Variants in ZFAND4 observed in about 807,000 individuals in gnomAD.
ZFAND4 encodes zinc finger AN1-type containing 4.
Under a neutral mutation model 64.4 loss-of-function variants are expected in ZFAND4, and 43 were observed. The observed-to-expected ratio is 0.67, with a 90% CI of 0.52 to 0.86. The LOEUF (loss-of-function observed/expected upper bound fraction) is 0.86. ZFAND4 is among the 40% of genes least tolerant of loss of function. The probability of loss-of-function intolerance (pLI) is 0.00; values close to 1 mark genes in which losing one functional copy is unlikely to be tolerated. For synonymous variants in ZFAND4, 296 were observed against 305.7 expected (o/e 0.97, Z 0.33); for missense variants, 929 against 859.8 (o/e 1.08, Z -1.01).
chr10:45,641,570 G>A (rs2047000333), intron 5 of ZFAND4, among the ~76,000 whole-genome samples: 1 of 152,194 alleles, frequency 6.6e-6, no homozygotes, highest in Non-Finnish European at 1.5e-5. Context: ...ATACGCATGG[G>A]TAGCATCTGA....
chr10:45,626,527 G>A lies in ZFAND4; in HGVS notation c.1296C>T (p.Asp432=), dbSNP rs1366543944. 1.2e-6 allele frequency: 2 copies of A among 1,614,020 alleles called. No individual in the cohort carries two copies. Among genetic ancestry groups the A allele is most frequent in the Admixed American group, 1.7e-5 (1 of 60,014 alleles). The change falls in exon 7 of 10, where the codon GAC becomes GAT. Residue 432 remains aspartate, a synonymous_variant. Coordinates refer to ENST00000344646, the MANE Select transcript of ZFAND4 (RefSeq NM_174890.4). ...VNLELLLTNA[D]KGLKAPEQHL... is the part of the protein sequence containing the mutation. ...GCTGCTCTGGAGCTTTCAACCCTTT[G>A]TCAGCATTAGTGAGTAGCAACTCCA...
intron 8 of ZFAND4, among the ~76,000 whole-genome samples, chr10:45,620,261 ATCAAC>A (rs2045322225): frequency 6.6e-6 from 1 of 152,166 alleles, no homozygotes; most frequent in Non-Finnish European, 1.5e-5. Flanking sequence ...AGGTGGGCGA[ATCAAC>A]TGAGGTCAGT....
intron 6 of ZFAND4, among the ~76,000 whole-genome samples, chr10:45,632,502 GA>G (rs1338759348): frequency 3.3e-5 from 5 of 151,678 alleles, no homozygotes; most frequent in Admixed American, 1.3e-4. Context: ...AGAGAGAAGA[GA>G]AAAAAATAAG....
At position 45,648,521 on chromosome 10, in the gene ZFAND4, A is replaced by G; in HGVS notation, c.342T>C (p.Asp114=). The G allele has an allele frequency of 6.2e-7, 1 of 1,607,092 alleles. No homozygotes were observed. Among genetic ancestry groups the G allele is most frequent in the Non-Finnish European group, 8.5e-7 (1 of 1,177,216 alleles). The change falls in exon 5 of 10, where the codon GAT becomes GAC. Residue 114 remains aspartate (D), a synonymous_variant. Transcript: ENST00000344646. ...AGTACTCTGCCATCTTCCTAAGTGG[A>G]TCGTCTGTAGGAACTACAAATGGAA... The part of the protein sequence containing the change: ...PINTRRVPTD[D]PLRKMAEYLD...
chr10:45,649,417 C>T (rs1166287085), intron 4 of ZFAND4, among the ~76,000 whole-genome samples: 1 of 152,170 alleles, frequency 6.6e-6, no homozygotes, highest in Non-Finnish European at 1.5e-5. Context: ...ACTGCAGAAA[C>T]ATCTGTTTTC....
chr10:45,663,462 T>C, intron 2 of ZFAND4, 80 bp downstream of exon 2: 1 of 1,120,858 alleles, frequency 8.9e-7, no homozygotes, highest in Non-Finnish European at 1.2e-6. Flanking sequence ...TTGTCTCCAT[T>C]AAAATACTTT....
chr10:45,618,203 T>C lies in ZFAND4; in HGVS notation c.1985A>G (p.Lys662Arg). The change falls in exon 9 of 10, where the codon AAA (lysine) becomes AGA (arginine). Residue 662 changes from lysine to arginine, a missense_variant. Transcript: ENST00000344646. ...ACAAAGAAAACAATGATTTGTTGTTTTCTTCTTTGTCTGAAGAGGGGCTTT... is the reference window on the plus strand; with the variant it reads ...ACAAAGAAAACAATGATTTGTTGTTCTCTTCTTTGTCTGAAGAGGGGCTTT... ...PVKAPLQTKK[K>R]TTNHCFLCGK... 6.2e-7 allele frequency: 1 copy of C among 1,613,836 alleles called. No homozygotes were observed. Among genetic ancestry groups the C allele is most frequent in the South Asian group, 1.1e-5 (1 of 91,046 alleles).
chr10:45,665,265 C>A (rs1039499127), intron 1 of ZFAND4, among the ~76,000 whole-genome samples: 1 of 152,012 alleles, frequency 6.6e-6, no homozygotes, highest in Admixed American at 6.5e-5. Context: ...GAGGGCCAGG[C>A]ACAGTGGCTC....
intron 2 of ZFAND4, among the ~76,000 whole-genome samples, chr10:45,663,139 T>C (rs1224418872): frequency 1.4e-5 from 2 of 148,094 alleles, no homozygotes; most frequent in Non-Finnish European, 3.0e-5. Context: ...AGGAGGGTGG[T>C]TGCAAAGCAG....
chr10:45,661,832 C>T (rs997506024), intron 2 of ZFAND4, among the ~76,000 whole-genome samples: 3 of 151,628 alleles, frequency 2.0e-5, no homozygotes, highest in African/African-American at 7.3e-5. Flanking sequence ...CCCAGCTACT[C>T]GGGAGGCTGA....
intron 6 of ZFAND4, among the ~76,000 whole-genome samples, chr10:45,630,271 C>G (rs901426762): frequency 1.3e-5 from 2 of 151,954 alleles, no homozygotes; most frequent in Admixed American, 6.6e-5. Flanking sequence ...ATCATAAATG[C>G]AAAAACTCAA....
chr10:45,666,229 C>T (rs1279524814), intron 1 of ZFAND4, among the ~76,000 whole-genome samples: 6 of 152,102 alleles, frequency 3.9e-5, no homozygotes, highest in African/African-American at 1.4e-4. Context: ...TGTTTCTGTC[C>T]TTTTGATTAA....
chr10:45,631,234 G>A (rs1432857839), intron 6 of ZFAND4, among the ~76,000 whole-genome samples: 2 of 150,652 alleles, frequency 1.3e-5, no homozygotes, highest in African/African-American at 2.4e-5. Context: ...GGAGAATGGC[G>A]TGAACCTGGG....
rs1298842062 is a variant in ZFAND4, at chr10:45,626,886, T to C, written c.937A>G (p.Thr313Ala). 1 of 1,614,222 alleles carries C rather than the reference T, an allele frequency of 6.2e-7. No individual in the cohort carries two copies. The highest frequency in any genetic ancestry group is 1.1e-5 in the South Asian group (1 of 91,086). ...LSAERYISSI[T>A]GEFLKEDNSW... ...TTATCTTCCTTAAGAAATTCACCAG[T>C]GATAGAAGATATGTATCTCTCAGCA... Residue 313 changes from threonine to alanine, a missense_variant, in exon 7 of 10, where the codon ACT (threonine) becomes GCT (alanine). Thr to Ala is a moderately conservative substitution (Grantham distance 58, BLOSUM62 0). Transcript: ENST00000344646.
intron 6 of ZFAND4, among the ~76,000 whole-genome samples, chr10:45,634,103 TA>T (rs71023139): frequency 0.23 from 34,252 of 152,054 alleles, 4,033 homozygotes; most frequent in South Asian, 0.37. Context: ...ACATAATAAA[TA>T]AAGTACTTAG....
At chr10:45,617,445 T>C (rs1341158785) in intron 9 of ZFAND4, among the ~76,000 whole-genome samples, 1 of 151,832 alleles carries the variant, frequency 6.6e-6, no homozygotes. Flanking sequence ...CTAGGCAATA[T>C]AGTGAGATCT....
intron 8 of ZFAND4, 88 bp from the exon 9 acceptor site, chr10:45,618,348 T>C: frequency 3.4e-6 from 5 of 1,462,442 alleles, no homozygotes; most frequent in Non-Finnish European, 4.6e-6. Context: ...CATAGTCCTA[T>C]CAAAGTAAAT....
At chr10:45,638,660 AG>A (rs1435721595) in intron 6 of ZFAND4, among the ~76,000 whole-genome samples, 1 of 152,242 alleles carries the variant, frequency 6.6e-6, no homozygotes, top group Non-Finnish European at 1.5e-5. Flanking sequence ...GAATATTCAA[AG>A]GAAGTTTATT....
intron 6 of ZFAND4, among the ~76,000 whole-genome samples, chr10:45,637,736 C>A (rs187013860): frequency 6.6e-6 from 1 of 151,754 alleles, no homozygotes; most frequent in Non-Finnish European, 1.5e-5. Context: ...GGCAACAGGG[C>A]GAGACTCTGT....
Sources: allele counts gnomAD v4.1 joint callset (sites outside exome capture counted in the v4.1 genomes callset), GRCh38; gene constraint gnomAD v4.1.1; transcripts MANE v1.5; gene names NCBI Gene and HGNC (gene_info 2026-07-23, HGNC 2026-07-21).